The following LMO7 variants were observed in gnomAD, a reference collection of about 807,000 sequenced individuals.
LMO7 encodes the protein LIM domain 7.
LMO7 carries 120 observed loss-of-function variants against 206.5 expected under a neutral mutation model. The observed-to-expected ratio is 0.58, with a 90% CI of 0.50 to 0.68. The LOEUF (loss-of-function observed/expected upper bound fraction) is 0.68. Among genes scored for constraint, LMO7 ranks in the 30% least tolerant of loss-of-function variants. The probability of loss-of-function intolerance (pLI) is 0.00; values close to 1 mark genes in which losing one functional copy is unlikely to be tolerated. For missense variants in LMO7, 1,959 were observed against 1,957.9 expected, an observed-to-expected ratio of 1.00 and a Z score of -0.01; for synonymous variants, 706 against 681.5, an observed-to-expected ratio of 1.04 and a Z score of -0.56.
chr13:75,812,329 C>G (rs1397150322), intron 11 of LMO7, among the ~76,000 whole-genome samples: 1 of 152,158 alleles, frequency 6.6e-6, no homozygotes, highest in Non-Finnish European at 1.5e-5. Context: ...GCCTCTTGCC[C>G]AAGTTTTAGC....
intron 1 of LMO7, among the ~76,000 whole-genome samples, chr13:75,701,704 T>C (rs2042297815): frequency 1.3e-5 from 2 of 152,224 alleles, no homozygotes; most frequent in Non-Finnish European, 2.9e-5. Context: ...TTCCTTATTG[T>C]CTGCAACAAT....
intron 1 of LMO7, chr13:75,688,700 T>G (rs1025442268): frequency 6.6e-6 from 1 of 152,344 alleles, no homozygotes; most frequent in African/African-American, 2.4e-5. Flanking sequence ...TTGACATTTT[T>G]GACACCAAGC....
chr13:75,800,940 C>G (rs2054644371), intron 7 of LMO7, 58 bp downstream of exon 7: 1 of 1,533,490 alleles, frequency 6.5e-7, no homozygotes, highest in Non-Finnish European at 9.0e-7. Flanking sequence ...GAACTGGGAA[C>G]AGGAGAGAAT....
chr13:75,650,019 T>C (rs2037403881), intron 1 of LMO7, among the ~76,000 whole-genome samples: 1 of 152,170 alleles, frequency 6.6e-6, no homozygotes, highest in Admixed American at 6.5e-5. Context: ...ATGTTTTTTG[T>C]AGAGATGGGG....
At position 75,845,465 on chromosome 13, in the gene LMO7, T is replaced by C. The variant is rs2059913767; in HGVS notation, c.4150+86T>C. 5 of 770,924 alleles carry C rather than the reference T, an allele frequency of 6.5e-6. No individual in the cohort carries two copies. The African/African-American group carries it at 9.0e-5, about 14-fold the overall frequency. The allele number at this position is 770,924 out of a possible 1,614,324, so 47.8% of individuals were successfully genotyped here. A position where few individuals can be genotyped will look rare whatever the true frequency, so the allele number is the denominator to read the frequency against. On this transcript the variant is annotated intron_variant, in intron 26 of 30. Coordinates refer to ENST00000377534, the MANE Select transcript of LMO7 (RefSeq NM_001306080.2). ...GAGAAGTATTTTTAAGGTCAAGATA[T>C]TTCAGATTCATTAAGATTACTTAAT... is the stretch of plus-strand genomic sequence containing the variant.
intron 1 of LMO7, among the ~76,000 whole-genome samples, chr13:75,677,807 A>G (rs2040144844): frequency 1.2e-5 from 1 of 82,394 alleles, no homozygotes; most frequent in Non-Finnish European, 2.3e-5. Flanking sequence ...CCCACCCCAC[A>G]ACAGTCCCCG....
At chr13:75,819,772 C>A (rs2057397612) in intron 13 of LMO7, among the ~76,000 whole-genome samples, 1 of 152,148 alleles carries the variant, frequency 6.6e-6, no homozygotes, top group Non-Finnish European at 1.5e-5. Context: ...TTCATTATTT[C>A]TTCTTACATT....
Position 75,838,150 on chromosome 13 carries a change from C to A in LMO7, c.3405C>A (p.Ser1135=). 1 of 1,586,680 alleles carries A rather than the reference C, an allele frequency of 6.3e-7. No homozygotes were observed. The highest frequency in any genetic ancestry group is 1.3e-5 in the African/African-American group (1 of 74,380). Residue 1135 remains serine, a synonymous_variant, in exon 20 of 31, where the codon TCC becomes TCA. Coordinates refer to ENST00000377534, the MANE Select transcript of LMO7 (RefSeq NM_001306080.2). ...SNAFESKASE[S]ISLKNLKRRS... The stretch of plus-strand genomic sequence containing the variant: ...TTTTTTTTCAACTAGCATCTGAATC[C>A]ATTTCTTTGAAAAACTTAAAAAGGC...
chr13:75,757,986 C>T (rs1190213777), intron 3 of LMO7, among the ~76,000 whole-genome samples: 1 of 151,944 alleles, frequency 6.6e-6, no homozygotes, highest in African/African-American at 2.4e-5. Flanking sequence ...GAGGGTTGGG[C>T]TCCTCTTCTT....
In LMO7 at chr13:75,764,479, T is replaced by C. The variant is rs1016245275; in HGVS notation, c.317+3441T>C. Among the ~76,000 whole-genome samples the C allele has an allele frequency of 5.3e-5, 8 of 152,160 alleles. No homozygotes were observed. In the South Asian group the frequency reaches 1.7e-3, roughly 32 times the overall value. ...AGAGCTCCTCTGGCAAGCGTCATGG[T>C]CTTTGTGGTGGCATCTGGTCATTAG... On this transcript the variant is annotated intron_variant, in intron 4 of 30. Coordinates refer to ENST00000377534, the MANE Select transcript of LMO7 (RefSeq NM_001306080.2).
chr13:75,735,805 A>G (rs2045770543), intron 3 of LMO7, among the ~76,000 whole-genome samples: 1 of 151,952 alleles, frequency 6.6e-6, no homozygotes, highest in African/African-American at 2.4e-5. Context: ...AAAACAAATA[A>G]GCTTTATATA....
intron 1 of LMO7, among the ~76,000 whole-genome samples, chr13:75,696,447 G>A (rs986755742): frequency 1.3e-5 from 2 of 152,112 alleles, no homozygotes; most frequent in African/African-American, 4.8e-5. Flanking sequence ...TTTCATATAA[G>A]GAAATCAAGT....
chr13:75,805,443 C>T (rs776271317), intron 8 of LMO7, 36 bp from the exon 9 acceptor site: 14 of 1,594,210 alleles, frequency 8.8e-6, no homozygotes, highest in Middle Eastern at 3.3e-4. Flanking sequence ...CACAAATGCT[C>T]ATACAGTGTC....
At chr13:75,781,838 A>G (rs1261078382) in intron 4 of LMO7, among the ~76,000 whole-genome samples, 1 of 152,158 alleles carries the variant, frequency 6.6e-6, no homozygotes, top group Non-Finnish European at 1.5e-5. Flanking sequence ...GTGAGATGGT[A>G]TCTCATTGTG....
At chr13:75,644,805 A>T (rs2036867962) in intron 1 of LMO7, among the ~76,000 whole-genome samples, 1 of 152,012 alleles carries the variant, frequency 6.6e-6, no homozygotes, top group Non-Finnish European at 1.5e-5. Context: ...TAATTTAAAA[A>T]TTTTGTTGTA....
intron 15 of LMO7, among the ~76,000 whole-genome samples, chr13:75,824,829 G>A (rs1422086646): frequency 6.6e-6 from 1 of 151,556 alleles, no homozygotes; most frequent in African/African-American, 2.4e-5. Flanking sequence ...GTGTGTGTGT[G>A]TATATATATT....
intron 2 of LMO7, among the ~76,000 whole-genome samples, chr13:75,626,182 G>C (rs969140246): frequency 6.6e-6 from 1 of 152,040 alleles, no homozygotes; most frequent in African/African-American, 2.4e-5. Context: ...AAATTTTATT[G>C]TGGTAAACAT....
intron 2 of LMO7, among the ~76,000 whole-genome samples, chr13:75,715,300 C>T (rs904865639): frequency 3.9e-5 from 6 of 152,170 alleles, no homozygotes; most frequent in African/African-American, 1.2e-4. Flanking sequence ...CTATTGTGAG[C>T]ACAAGCAGTA....
intron 15 of LMO7, among the ~76,000 whole-genome samples, chr13:75,827,953 G>C (rs1346558056): frequency 6.6e-6 from 1 of 152,154 alleles, no homozygotes; most frequent in Non-Finnish European, 1.5e-5. Context: ...TGTGCATTTT[G>C]CTTGCTTCTC....
Sources: allele counts gnomAD v4.1 joint callset (sites outside exome capture counted in the v4.1 genomes callset), GRCh38; gene constraint gnomAD v4.1.1; transcripts MANE v1.5; gene names NCBI Gene and HGNC (gene_info 2026-07-23, HGNC 2026-07-21).